The following DPP10 variants were observed in gnomAD, a reference collection of about 807,000 sequenced individuals.
DPP10 encodes dipeptidyl peptidase like 10.
In DPP10, 33 loss-of-function variants were observed where a neutral mutation model predicts 120.9. The observed-to-expected ratio is 0.27, with a 90% CI of 0.21 to 0.37. DPP10 has a LOEUF of 0.37. Ranked by LOEUF, DPP10 falls within the 10% of genes least tolerant of loss-of-function variation. The pLI is 1.00. For missense variants in DPP10, 816 were observed against 942.8 expected, an observed-to-expected ratio of 0.87 and a Z score of 1.76; for synonymous variants, 337 against 326.1, an observed-to-expected ratio of 1.03 and a Z score of -0.36.
chr2:115,550,625 T>G lies in DPP10; in HGVS notation c.441+24653T>G, dbSNP rs547047945. Among the ~76,000 whole-genome samples, 103 of 152,298 alleles carry G rather than the reference T, an allele frequency of 6.8e-4. 2 individuals carry two copies. The South Asian group carries it at 0.02, about 30-fold the overall frequency. ...GTAGCCATCTGCTTAGGCTGTGACC[T>G]ATTTTCTTTCTCAACTTTTCTGTTA... On this transcript the variant is annotated intron_variant, in intron 5 of 25. Transcript: ENST00000410059.
intron 1 of DPP10, among the ~76,000 whole-genome samples, chr2:115,149,304 C>T (rs2051403064): frequency 2.0e-5 from 3 of 152,200 alleles, no homozygotes; most frequent in South Asian, 2.1e-4. Flanking sequence ...TATTTTTACA[C>T]ATTAGCTCAA....
At chr2:114,726,423 T>C (rs1407092075) in intron 1 of DPP10, among the ~76,000 whole-genome samples, 1 of 152,154 alleles carries the variant, frequency 6.6e-6, no homozygotes, top group Non-Finnish European at 1.5e-5. Flanking sequence ...CTTTTATTCG[T>C]TGTGGAATGA....
intron 17 of DPP10, among the ~76,000 whole-genome samples, chr2:115,786,568 C>T (rs889063811): frequency 1.3e-5 from 2 of 152,032 alleles, no homozygotes; most frequent in Non-Finnish European, 2.9e-5. Flanking sequence ...TGTTTCCAGA[C>T]ATTCAACAAT....
At chr2:115,124,767 C>T (rs2049988725) in intron 1 of DPP10, among the ~76,000 whole-genome samples, 1 of 152,128 alleles carries the variant, frequency 6.6e-6, no homozygotes, top group African/African-American at 2.4e-5. Flanking sequence ...ACCAAGGTAT[C>T]ACTAGTGTCT....
intron 5 of DPP10, among the ~76,000 whole-genome samples, chr2:115,594,958 A>G (rs1208991354): frequency 6.6e-6 from 1 of 152,168 alleles, no homozygotes; most frequent in Non-Finnish European, 1.5e-5. Context: ...ATAAAGTTAA[A>G]CATTATTTTA....
chr2:114,758,867 G>A lies in DPP10; in HGVS notation c.60+316029G>A, dbSNP rs181942535. 6.6e-5 allele frequency among the ~76,000 whole-genome samples: 10 copies of A among 152,186 alleles called. No homozygotes were observed. In the South Asian group the frequency reaches 8.3e-4, roughly 13 times the overall value. On this transcript the variant is annotated intron_variant, in intron 1 of 25. Coordinates refer to ENST00000410059, the MANE Select transcript of DPP10 (RefSeq NM_020868.6). ...AGGTTTCATCGTGAAATTAAAAAAC[G>A]AAATTTCAAAAAACTTTCAAAGCAA...
chr2:115,413,931 G>T (rs758084919), intron 3 of DPP10, among the ~76,000 whole-genome samples: 10 of 151,820 alleles, frequency 6.6e-5, no homozygotes, highest in Non-Finnish European at 1.3e-4. Flanking sequence ...TTTCCACTTG[G>T]TTTTCTCTGA....
chr2:114,742,647 G>C (rs987422558), intron 1 of DPP10, among the ~76,000 whole-genome samples: 8 of 151,808 alleles, frequency 5.3e-5, no homozygotes, highest in Non-Finnish European at 7.4e-5. Flanking sequence ...ATGTTGTTTT[G>C]GGTATGCAGA....
At chr2:115,712,540 T>TTTTATTTATATATATATA (rs778592374) in intron 7 of DPP10, among the ~76,000 whole-genome samples, 11 of 18,050 alleles carry the variant, frequency 6.1e-4, no homozygotes, top group African/African-American at 1.2e-3. Flanking sequence ...GAGTCCTGAA[T>TTTTATTTATATATATATA]TAAATATATA....
At chr2:115,827,481 C>T (rs1258123581) in intron 21 of DPP10, among the ~76,000 whole-genome samples, 1 of 142,864 alleles carries the variant, frequency 7.0e-6, no homozygotes, top group Non-Finnish European at 1.5e-5. Flanking sequence ...TTCTCTATTT[C>T]TGACCTTTAT....
In DPP10 at chr2:115,782,317, T is replaced by C. The variant is rs1265045208; in HGVS notation, c.1484-35T>C. ...TCTAATGATTATTACTTAGACATCT[T>C]TAAAAATATTTATACACATATTTTT... On this transcript the variant is annotated intron_variant, in intron 16 of 25. Coordinates refer to ENST00000410059, the MANE Select transcript of DPP10 (RefSeq NM_020868.6). The C allele has an allele frequency of 2.5e-6, 4 of 1,570,360 alleles. No homozygotes were observed. In the African/African-American group the frequency reaches 5.4e-5, roughly 21 times the overall value.
At chr2:114,559,058 C>T (rs1029271121) in intron 1 of DPP10, among the ~76,000 whole-genome samples, 7 of 152,174 alleles carry the variant, frequency 4.6e-5, no homozygotes, top group Non-Finnish European at 8.8e-5. Context: ...TCAAGTACAT[C>T]CCCATGTCCC....
At chr2:114,520,563 T>C (rs759755956) in intron 1 of DPP10, among the ~76,000 whole-genome samples, 18 of 152,214 alleles carry the variant, frequency 1.2e-4, no homozygotes, top group South Asian at 2.1e-4. Context: ...GAACAATGTA[T>C]AGAATTCTAG....
chr2:115,485,540 A>G (rs2075722744), intron 3 of DPP10, among the ~76,000 whole-genome samples: 3 of 151,882 alleles, frequency 2.0e-5, no homozygotes, highest in African/African-American at 2.4e-5. Context: ...AATGAATGCA[A>G]TACTACCAAT....
intron 2 of DPP10, among the ~76,000 whole-genome samples, chr2:115,337,946 C>G (rs929189014): frequency 3.3e-5 from 5 of 151,920 alleles, no homozygotes; most frequent in Non-Finnish European, 5.9e-5. Flanking sequence ...ATATCTCCTT[C>G]TCATTATTGT....
intron 5 of DPP10, among the ~76,000 whole-genome samples, chr2:115,564,992 T>C (rs1411765957): frequency 6.6e-6 from 1 of 152,120 alleles, no homozygotes; most frequent in African/African-American, 2.4e-5. Flanking sequence ...GAGTGATTAC[T>C]GGAGTTTCTA....
intron 19 of DPP10, among the ~76,000 whole-genome samples, chr2:115,804,123 T>C (rs1685616481): frequency 6.6e-6 from 1 of 152,158 alleles, no homozygotes; most frequent in Non-Finnish European, 1.5e-5. Context: ...GGAGGCTTTG[T>C]TCATTTCTTT....
chr2:115,187,072 C>T, intron 1 of DPP10, among the ~76,000 whole-genome samples: 1 of 113,402 alleles, frequency 8.8e-6, no homozygotes, highest in Non-Finnish European at 1.7e-5. Flanking sequence ...GAGTTTCGCT[C>T]TGTCGGGCCT....
chr2:114,705,457 G>T (rs182623735), intron 1 of DPP10, among the ~76,000 whole-genome samples: 1 of 151,978 alleles, frequency 6.6e-6, no homozygotes, highest in Admixed American at 6.6e-5. Flanking sequence ...ATATGTATGT[G>T]TATATATTTG....
Sources: allele counts gnomAD v4.1 joint callset (sites outside exome capture counted in the v4.1 genomes callset), GRCh38; gene constraint gnomAD v4.1.1; transcripts MANE v1.5; gene names NCBI Gene and HGNC (gene_info 2026-07-23, HGNC 2026-07-21).